The following RPAP1 variants were observed in gnomAD, a reference collection of about 807,000 sequenced individuals.
RPAP1 encodes RNA polymerase II associated protein 1, also known as RNA polymerase II-associated protein 1.
In RPAP1, 109 loss-of-function variants were observed where a neutral mutation model predicts 142.4. The observed-to-expected ratio is 0.77, with a 90% CI of 0.66 to 0.90. The LOEUF (loss-of-function observed/expected upper bound fraction) is 0.90. RPAP1 is among the 40% of genes least tolerant of loss of function. The pLI, the probability that RPAP1 is intolerant of heterozygous loss-of-function variation, is 0.00. For synonymous variants in RPAP1, 704 were observed against 738.9 expected, an observed-to-expected ratio of 0.95 and a Z score of 0.77; for missense variants, 1,546 against 1,751.7, an observed-to-expected ratio of 0.88 and a Z score of 2.10.
rs780871774 is a variant in RPAP1 at position 41,525,099 on chromosome 15, G to C, written c.1967C>G (p.Ala656Gly). ...TGGGGGCAAGGCCAGTTCTTGGGGA[G>C]CCTCAGCTATGATGCGGCACAGGCG... ...RSRLCRIIAE[A>G]PQELALPPEE... Residue 656 changes from alanine to glycine, a missense_variant, in exon 15 of 25, where the codon GCT becomes GGT. Ala to Gly is a moderately conservative substitution (Grantham distance 60, BLOSUM62 0). This residue lies in a region of RPAP1 where 1,333 missense variants were observed against 1,486.6 expected (regional missense o/e 0.90). Coordinates refer to ENST00000304330, the MANE Select transcript of RPAP1 (RefSeq NM_015540.4). The C allele has an allele frequency of 6.2e-7, 1 of 1,613,798 alleles. No homozygotes were observed. The highest frequency in any genetic ancestry group is 8.5e-7 in the Non-Finnish European group (1 of 1,179,932).
Position 41,523,955 on chromosome 15 carries a change from C to T in RPAP1, c.2252G>A (p.Ser751Asn), listed in dbSNP as rs376586068. ...AETISDSAEASLSATPSLVTW... is the reference protein window; with the variant it reads ...AETISDSAEANLSATPSLVTW... ...GACTAAGGAAGGGGTGGCCGAGAGG[C>T]TGGCCTCAGCAGAATCACTACAAAA... is the stretch of plus-strand genomic sequence containing the variant. The change falls in exon 17 of 25, where the codon AGC becomes AAC. Residue 751 changes from serine to asparagine, a missense_variant. Ser to Asn is a conservative substitution (Grantham distance 46). Coordinates refer to ENST00000304330, the MANE Select transcript of RPAP1 (RefSeq NM_015540.4). The T allele has an allele frequency of 6.2e-7, 1 of 1,612,544 alleles. No individual in the cohort carries two copies. Among genetic ancestry groups the T allele is most frequent in the South Asian group, 1.1e-5 (1 of 90,718 alleles).
At chr15:41,530,970 G>T in intron 7 of RPAP1, 53 bp downstream of exon 7, 1 of 1,540,208 alleles carries the variant, frequency 6.5e-7, no homozygotes. Context: ...TAGGAAAAGG[G>T]ACAATTTCCC....
chr15:41,527,000 C>T lies in RPAP1; in HGVS notation c.1815G>A (p.Val605=), dbSNP rs773635331. ...ATAGACTAGGGGTAGGCCCTGCCCC[C>T]ACAGGAGACCAACTGGTGGGCAAGA... ...REFLPTSWSP[V]GAGPTPSLYK... Residue 605 remains valine, a synonymous_variant, in exon 14 of 25, where the codon GTG becomes GTA. Transcript: ENST00000304330. The T allele has an allele frequency of 6.2e-7, 1 of 1,614,204 alleles. No homozygotes were observed. Among genetic ancestry groups the T allele is most frequent in the Non-Finnish European group, 8.5e-7 (1 of 1,180,034 alleles).
At chr15:41,524,866 G>T in intron 15 of RPAP1, 125 bp downstream of exon 15, 1 of 955,978 alleles carries the variant, frequency 1.0e-6, no homozygotes, top group Non-Finnish European at 1.5e-6. Context: ...TCTGGCAGAA[G>T]CCCTCCCACT....
At chr15:41,539,518 G>A (rs988708601) in intron 1 of RPAP1, among the ~76,000 whole-genome samples, 4 of 151,808 alleles carry the variant, frequency 2.6e-5, no homozygotes, top group East Asian at 1.9e-4. Flanking sequence ...GGCTGATCTC[G>A]AACTCCTGAC....
At chr15:41,531,860 T>C (rs2051855526) in intron 6 of RPAP1, among the ~76,000 whole-genome samples, 1 of 150,202 alleles carries the variant, frequency 6.7e-6, no homozygotes, top group Non-Finnish European at 1.5e-5. Flanking sequence ...AGGCTGTAAA[T>C]ATATATTTTT....
At chr15:41,543,672 C>T (rs2051992648) in intron 1 of RPAP1, among the ~76,000 whole-genome samples, 1 of 152,142 alleles carries the variant, frequency 6.6e-6, no homozygotes, top group African/African-American at 2.4e-5. Context: ...TATTTTAGTC[C>T]TAAGTAAAGC....
At chr15:41,534,664 T>A in intron 6 of RPAP1, 50 bp downstream of exon 6, 1 of 1,325,296 alleles carries the variant, frequency 7.5e-7, no homozygotes, top group Non-Finnish European at 1.1e-6. Flanking sequence ...GCTCAATAAG[T>A]GGTATTCCTC....
At chr15:41,521,269 C>G in intron 21 of RPAP1, 122 bp from the exon 22 acceptor site, 1 of 956,428 alleles carries the variant, frequency 1.0e-6, no homozygotes, top group Non-Finnish European at 1.5e-6. Context: ...GCTCCCTTAA[C>G]TACTTCCCGC....
At position 41,523,332 on chromosome 15, in the gene RPAP1, C is replaced by T. The variant is rs202233160; in HGVS notation, c.2459G>A (p.Trp820Ter). The T allele has an allele frequency of 2.5e-6, 4 of 1,607,014 alleles. No individual in the cohort carries two copies. The African/African-American group carries it at 5.4e-5, about 22-fold the overall frequency. Reference protein sequence around the residue: ...SQQPSSCPEDWLQDMQRLSEE... With the variant: ...SQQPSSCPED Reference sequence around the variant, plus strand: ...TGACAGGCGCTGCATGTCCTGGAGCCAATCCTCCGGGCATGAGCTTGGCTG... The same window carrying T: ...TGACAGGCGCTGCATGTCCTGGAGCTAATCCTCCGGGCATGAGCTTGGCTG... Residue 820 changes from tryptophan to a stop codon, truncating the protein, a stop_gained, in exon 18 of 25, where the codon TGG (tryptophan) becomes TAG (stop). Transcript: ENST00000304330. LOFTEE classifies it high-confidence loss of function.
In RPAP1 at chr15:41,522,337, G is replaced by C. The variant is rs1037310971; in HGVS notation, c.2743-87C>G. 6 of 1,318,460 alleles carry C rather than the reference G, an allele frequency of 4.6e-6. No homozygotes were observed. In the African/African-American group the frequency reaches 7.3e-5, roughly 16 times the overall value. 81.7% of individuals were successfully genotyped at this position (1,318,460 alleles called of 1,614,324 possible). A position where few individuals can be genotyped will look rare whatever the true frequency, so the allele number is the denominator to read the frequency against. ...AGGTGGCTGCCCCTCTCCAGACTCA[G>C]GGAAATGAGTGCCAGCAGAAGGCCT... On this transcript the variant is annotated intron_variant, in intron 19 of 24. Transcript: ENST00000304330.
chr15:41,521,910 G>A, intron 20 of RPAP1, 30 bp from the exon 21 acceptor site: 4 of 1,608,388 alleles, frequency 2.5e-6, no homozygotes, highest in Non-Finnish European at 2.6e-6. Context: ...GAACTACCTA[G>A]TACAGGAGAA....
At position 41,529,536 on chromosome 15, in the gene RPAP1, T is replaced by C; in HGVS notation, c.1092A>G (p.Glu364=). 1.2e-6 allele frequency: 2 copies of C among 1,613,540 alleles called. No individual in the cohort carries two copies. The highest frequency in any genetic ancestry group is 2.2e-5 in the South Asian group (2 of 90,874). ...RMQARFSLQG[E]LLAPDVDLPT... ...GCAGGTCCACGTCAGGGGCCAGTAG[T>C]TCTCCCTGAAGACTGAATCGAGCCT... Residue 364 remains glutamate, a synonymous_variant, in exon 9 of 25, where the codon GAA becomes GAG. Transcript: ENST00000304330.
At chr15:41,527,703 G>GCCT (rs1373464663) in intron 11 of RPAP1, 98 bp from the exon 12 acceptor site, 4 of 1,455,826 alleles carry the variant, frequency 2.7e-6, no homozygotes, top group Non-Finnish European at 3.7e-6. Flanking sequence ...ATAAAGGCAA[G>GCCT]CCTCCTGGGC....
intron 1 of RPAP1, among the ~76,000 whole-genome samples, chr15:41,540,018 G>C (rs2051955702): frequency 6.6e-6 from 1 of 152,034 alleles, no homozygotes; most frequent in Non-Finnish European, 1.5e-5. Flanking sequence ...GGGCGACAGA[G>C]TGAGACTCCG....
Position 41,528,251 on chromosome 15 carries a change from G to A in RPAP1, c.1244C>T (p.Ala415Val), listed in dbSNP as rs2051815515. ...TCCACTCACCCTGCTGATGACCTGG[G>A]CTAACACATGCAGTGCCAGTGCTCT... is the stretch of plus-strand genomic sequence containing the variant. ...QQRALALHVL[A>V]QVISRAQAGE... Residue 415 changes from alanine to valine, a missense_variant, in exon 10 of 25, where the codon GCC (alanine) becomes GTC (valine). Ala to Val is a moderately conservative substitution (Grantham distance 64). Coordinates refer to ENST00000304330, the MANE Select transcript of RPAP1 (RefSeq NM_015540.4). 3.1e-6 allele frequency: 5 copies of A among 1,607,502 alleles called. No homozygotes were observed. Among genetic ancestry groups the A allele is most frequent in the Non-Finnish European group, 4.2e-6 (5 of 1,176,870 alleles).
At position 41,522,750 on chromosome 15, in the gene RPAP1, G is replaced by T; in HGVS notation, c.2742+15C>A. 6.5e-7 allele frequency: 1 copy of T among 1,538,354 alleles called. No homozygotes were observed. The highest frequency in any genetic ancestry group is 8.7e-7 in the Non-Finnish European group (1 of 1,154,970). On this transcript the variant is annotated intron_variant, in intron 19 of 24. Coordinates refer to ENST00000304330, the MANE Select transcript of RPAP1 (RefSeq NM_015540.4). The stretch of plus-strand genomic sequence containing the variant: ...GGCCCCTTGCCTGGCCCCTAATCAG[G>T]CACCCCACACTTACCTGGCCACACA...
chr15:41,534,457 G>T (rs912996961), intron 6 of RPAP1, among the ~76,000 whole-genome samples: 1 of 150,992 alleles, frequency 6.6e-6, no homozygotes, highest in Admixed American at 6.6e-5. Flanking sequence ...GTGGTGGTGT[G>T]TGCCTATAAT....
intron 10 of RPAP1, 96 bp downstream of exon 10, chr15:41,528,139 G>A: frequency 6.6e-7 from 1 of 1,510,484 alleles, no homozygotes; most frequent in Non-Finnish European, 9.0e-7. Context: ...CACATAGCTG[G>A]CTAGTGAGCC....
Sources: gnomAD v4.1 joint callset for allele counts (sites outside exome capture counted in the v4.1 genomes callset) on GRCh38, gnomAD v4.1.1 for gene constraint, gnomAD v4.1.1 regional missense constraint, MANE v1.5 for transcripts, NCBI Gene and HGNC (gene_info 2026-07-23, HGNC 2026-07-21) for gene names.